AFG2A: variants seen among roughly 807,000 people sequenced by gnomAD.
AFG2A encodes ATPase family gene 2 protein homolog A.
the AFG2A span, among the ~76,000 whole-genome samples, chr4:123,060,308 G>C: frequency 6.6e-6 from 1 of 152,254 alleles, no homozygotes; most frequent in African/African-American, 2.4e-5. Flanking sequence ...TGGGGACTCT[G>C]TGTGGGAGCT....
At chr4:123,210,878 AT>A in the AFG2A span, among the ~76,000 whole-genome samples, 2 of 150,820 alleles carry the variant, frequency 1.3e-5, no homozygotes, top group African/African-American at 2.4e-5. Context: ...TTCCAACTTA[AT>A]TTTTTTTTCC....
the AFG2A span, among the ~76,000 whole-genome samples, chr4:123,189,468 G>C: frequency 1.3e-5 from 2 of 151,372 alleles, no homozygotes; most frequent in African/African-American, 4.9e-5. Context: ...TTTTTAATTT[G>C]ACTCTTCCAA....
the AFG2A span, among the ~76,000 whole-genome samples, chr4:123,156,777 GA>G: frequency 1.7e-5 from 2 of 115,304 alleles, no homozygotes; most frequent in Middle Eastern, 3.9e-3. Flanking sequence ...AAAAAAAAAA[GA>G]AAAAAAAAGA....
chr4:123,258,477 A>G, the AFG2A span, among the ~76,000 whole-genome samples: 82 of 152,270 alleles, frequency 5.4e-4, no homozygotes, highest in Middle Eastern at 0.017. Context: ...GGGAAAAAAG[A>G]TTTTTAAATT....
chr4:123,158,618 A>G, the AFG2A span, among the ~76,000 whole-genome samples: 2 of 152,196 alleles, frequency 1.3e-5, no homozygotes, highest in African/African-American at 4.8e-5. Context: ...AGAAATACAG[A>G]GTACATAGGC....
At chr4:123,295,521 C>A in the AFG2A span, among the ~76,000 whole-genome samples, 1 of 152,236 alleles carries the variant, frequency 6.6e-6, no homozygotes, top group East Asian at 1.9e-4. Context: ...AAATAGCTCT[C>A]TATATAGCCG....
the AFG2A span, among the ~76,000 whole-genome samples, chr4:123,132,215 A>G: frequency 2.0e-5 from 3 of 152,098 alleles, no homozygotes; most frequent in Non-Finnish European, 4.4e-5. Flanking sequence ...AGTCACCACC[A>G]TGCTCTACAT....
the AFG2A span, among the ~76,000 whole-genome samples, chr4:123,062,985 A>G: frequency 6.6e-6 from 1 of 152,214 alleles, no homozygotes; most frequent in Non-Finnish European, 1.5e-5. Context: ...CTCTATTTGC[A>G]CTGAATCTTA....
the AFG2A span, among the ~76,000 whole-genome samples, chr4:123,084,426 A>G: frequency 6.6e-6 from 1 of 151,874 alleles, no homozygotes; most frequent in Non-Finnish European, 1.5e-5. Flanking sequence ...TACTCTCAAT[A>G]CTATAAGTTT....
the AFG2A span, chr4:122,928,913 T>A: frequency 2.5e-6 from 3 of 1,192,284 alleles, no homozygotes; most frequent in Non-Finnish European, 3.4e-6. Context: ...AGATTGTAAC[T>A]CTTTTTGGGT....
the AFG2A span, among the ~76,000 whole-genome samples, chr4:123,198,913 C>G: frequency 1.3e-5 from 2 of 152,178 alleles, no homozygotes; most frequent in Non-Finnish European, 2.9e-5. Context: ...AATTCTGGAG[C>G]TTCTTGTGGT....
At chr4:123,240,006 A>G in the AFG2A span, among the ~76,000 whole-genome samples, 2 of 152,214 alleles carry the variant, frequency 1.3e-5, no homozygotes, top group African/African-American at 4.8e-5. Context: ...AAGGAAAGCA[A>G]GAAAAATCAT....
the AFG2A span, chr4:122,927,678 C>G: frequency 1.2e-6 from 2 of 1,612,600 alleles, no homozygotes; most frequent in South Asian, 1.1e-5. Context: ...CCTTATTCAT[C>G]TTGGACTCAA....
chr4:122,924,233 A>G, the AFG2A span, among the ~76,000 whole-genome samples: 6 of 152,136 alleles, frequency 3.9e-5, no homozygotes, highest in Admixed American at 1.3e-4. Flanking sequence ...TTTCTCTTCC[A>G]TCTTAAATCA....
the AFG2A span, among the ~76,000 whole-genome samples, chr4:123,073,789 A>C: frequency 3.9e-5 from 6 of 152,224 alleles, no homozygotes; most frequent in African/African-American, 1.4e-4. Context: ...TGACATTTTT[A>C]ATGAGTGAGC....
the AFG2A span, among the ~76,000 whole-genome samples, chr4:122,948,099 T>G: frequency 6.6e-6 from 1 of 152,108 alleles, no homozygotes; most frequent in Non-Finnish European, 1.5e-5. Context: ...AGTTAGTTTT[T>G]GGGGGAGTCA....
At chr4:123,182,721 A>G in the AFG2A span, among the ~76,000 whole-genome samples, 1 of 152,198 alleles carries the variant, frequency 6.6e-6, no homozygotes, top group African/African-American at 2.4e-5. Flanking sequence ...GTTCTGTCCA[A>G]TTGAAAGATA....
the AFG2A span, among the ~76,000 whole-genome samples, chr4:123,007,795 A>G: frequency 1.1e-3 from 160 of 151,652 alleles, no homozygotes; most frequent in African/African-American, 3.8e-3. Flanking sequence ...TTCTCAACTC[A>G]GGGAGTTTGT....
the AFG2A span, among the ~76,000 whole-genome samples, chr4:122,994,250 T>G: frequency 6.6e-6 from 1 of 152,168 alleles, no homozygotes; most frequent in South Asian, 2.1e-4. Context: ...ATAATAGTAC[T>G]GTGCTATCTA....
Sources: gnomAD v4.1 joint callset for allele counts (sites outside exome capture counted in the v4.1 genomes callset) on GRCh38, gnomAD v4.1.1 for gene constraint, MANE v1.5 for transcripts, NCBI Gene and HGNC (gene_info 2026-07-23, HGNC 2026-07-21) for gene names.